The following BTBD9 variants were observed in gnomAD, a reference collection of about 807,000 sequenced individuals.
The protein encoded by BTBD9 is BTB/POZ domain-containing protein 9.
BTBD9 carries 49 observed loss-of-function variants against 64.3 expected under a neutral mutation model. The observed-to-expected ratio is 0.76, with a 90% confidence interval of 0.61 to 0.97. BTBD9 has a LOEUF of 0.97. Among genes scored for constraint, BTBD9 ranks in the 50% least tolerant of loss-of-function variants. The pLI, the probability that BTBD9 is intolerant of heterozygous loss-of-function variation, is 0.00. For missense variants in BTBD9, 598 were observed against 762.1 expected (o/e 0.78, Z 2.53); for synonymous variants, 260 against 274.7 (o/e 0.95, Z 0.53).
Position 38,174,730 on chromosome 6 carries a change from G to C in BTBD9, c.*255C>G. ...TAGATTAGAGAGGTAGGGTGTTAAT[G>C]GTGGACTTGATGAAGATTGAAGACC... On this transcript the variant is annotated 3_prime_UTR_variant, in exon 11 of 11. Coordinates refer to ENST00000481247, the MANE Select transcript of BTBD9 (RefSeq NM_001099272.2). The C allele has an allele frequency of 1.9e-6, 1 of 522,438 alleles. No individual in the cohort carries two copies. Among genetic ancestry groups the C allele is most frequent in the Non-Finnish European group, 3.4e-6 (1 of 295,268 alleles). 32.4% of individuals were successfully genotyped at this position (522,438 alleles called of 1,614,324 possible). A position where few individuals can be genotyped will look rare whatever the true frequency, so the allele number is the denominator to read the frequency against.
At chr6:38,540,557 G>A (rs549325903) in intron 6 of BTBD9, among the ~76,000 whole-genome samples, 13 of 152,214 alleles carry the variant, frequency 8.5e-5, no homozygotes, top group African/African-American at 3.1e-4. Context: ...GCACTTACAT[G>A]GTATAAAAGT....
At position 38,592,728 on chromosome 6, in the gene BTBD9, A is replaced by C. The variant is rs1026626353; in HGVS notation, c.662T>G (p.Ile221Ser). The C allele has an allele frequency of 6.2e-7, 1 of 1,614,150 alleles. No individual in the cohort carries two copies. The highest frequency in any genetic ancestry group is 1.6e-4 in the Middle Eastern group (1 of 6,062). ...KHNSKENHAE[I>S]MQAVRLPLMS... ...GAGAGGTAAACGCACAGCCTGCATG[A>C]TTTCAGCATGATTCTCCTTTGAATT... Residue 221 changes from isoleucine (I) to serine (S), a missense_variant, in exon 4 of 11, where the codon ATC (isoleucine) becomes AGC (serine). Physicochemically the swap from Ile to Ser is moderately radical, Grantham distance 142. Transcript: ENST00000481247.
chr6:38,194,899 G>A (rs1762224431), intron 9 of BTBD9, among the ~76,000 whole-genome samples: 1 of 151,528 alleles, frequency 6.6e-6, no homozygotes, highest in Admixed American at 6.6e-5. Flanking sequence ...AGTCTGAGCG[G>A]GAGGGAACTT....
chr6:38,492,575 T>TA (rs1771750275), intron 6 of BTBD9, among the ~76,000 whole-genome samples: 1 of 152,228 alleles, frequency 6.6e-6, no homozygotes, highest in African/African-American at 2.4e-5. Flanking sequence ...CTCATCTCCT[T>TA]AAAGTGCTAC....
chr6:38,179,903 T>C (rs1472955580), intron 10 of BTBD9: 2 of 444,832 alleles, frequency 4.5e-6, no homozygotes, highest in South Asian at 1.6e-5. Flanking sequence ...GGAGCTGCTT[T>C]CCAGGCAAAG....
At position 38,212,865 on chromosome 6, in the gene BTBD9, G is replaced by A. The variant is rs9349058; in HGVS notation, c.1563-20268C>T. Among the ~76,000 whole-genome samples, 16 of 152,200 alleles carry A rather than the reference G, an allele frequency of 1.1e-4. No homozygotes were observed. The East Asian group carries it at 2.5e-3, about 24-fold the overall frequency. The stretch of plus-strand genomic sequence containing the variant: ...TACCACCCCCTTCTCCCCCAGCAGC[G>A]CATTCCCTCCCAGAAGCACCCTGGA... On this transcript the variant is annotated intron_variant, in intron 9 of 10. Coordinates refer to ENST00000481247, the MANE Select transcript of BTBD9 (RefSeq NM_001099272.2).
At chr6:38,523,065 C>A (rs1773338046) in intron 6 of BTBD9, among the ~76,000 whole-genome samples, 1 of 152,122 alleles carries the variant, frequency 6.6e-6, no homozygotes, top group Non-Finnish European at 1.5e-5. Flanking sequence ...TGCCTGTAAT[C>A]CCAGCTACTC....
At chr6:38,572,418 G>C (rs571018198) in intron 6 of BTBD9, among the ~76,000 whole-genome samples, 2 of 151,950 alleles carry the variant, frequency 1.3e-5, no homozygotes, top group African/African-American at 4.8e-5. Context: ...CATCACTTAC[G>C]GCCTCTAATG....
At chr6:38,248,870 TACTC>T (rs1053326908) in intron 9 of BTBD9, among the ~76,000 whole-genome samples, 1 of 152,212 alleles carries the variant, frequency 6.6e-6, no homozygotes, top group African/African-American at 2.4e-5. Context: ...CATGAAATAT[TACTC>T]ATTTATAAAT....
chr6:38,225,861 C>T (rs1763377334), intron 9 of BTBD9, among the ~76,000 whole-genome samples: 1 of 152,202 alleles, frequency 6.6e-6, no homozygotes, highest in South Asian at 2.1e-4. Context: ...TTACCACTTA[C>T]AGATTACTTT....
chr6:38,200,421 G>A (rs1210037316), intron 9 of BTBD9, among the ~76,000 whole-genome samples: 2 of 152,132 alleles, frequency 1.3e-5, no homozygotes, highest in Non-Finnish European at 2.9e-5. Flanking sequence ...ATAAAGATTA[G>A]AGCAGAATTA....
chr6:38,434,073 G>A (rs746807471), intron 6 of BTBD9, among the ~76,000 whole-genome samples: 1 of 151,890 alleles, frequency 6.6e-6, no homozygotes, highest in Non-Finnish European at 1.5e-5. Context: ...TCTGACTCTG[G>A]TATAGCATTA....
intron 6 of BTBD9, among the ~76,000 whole-genome samples, chr6:38,566,334 A>G (rs1775515757): frequency 6.6e-6 from 1 of 152,244 alleles, no homozygotes; most frequent in African/African-American, 2.4e-5. Context: ...ATATGAATCT[A>G]TACTTTAAAA....
At chr6:38,289,685 T>A (rs1761882694) in intron 7 of BTBD9, among the ~76,000 whole-genome samples, 1 of 152,326 alleles carries the variant, frequency 6.6e-6, no homozygotes, top group East Asian at 1.9e-4. Context: ...TTGCAACATA[T>A]ATGCTCTTCC....
intron 6 of BTBD9, among the ~76,000 whole-genome samples, chr6:38,540,392 T>A (rs1388139994): frequency 6.6e-6 from 1 of 152,250 alleles, no homozygotes; most frequent in Non-Finnish European, 1.5e-5. Flanking sequence ...TGAGCCATAT[T>A]TTTGATAAAT....
chr6:38,373,198 G>A (rs1379122398), intron 6 of BTBD9, among the ~76,000 whole-genome samples: 1 of 152,092 alleles, frequency 6.6e-6, no homozygotes, highest in African/African-American at 2.4e-5. Flanking sequence ...AATAATCTAG[G>A]ATTCAAAATA....
intron 7 of BTBD9, among the ~76,000 whole-genome samples, chr6:38,298,248 T>A (rs965532075): frequency 6.6e-6 from 1 of 152,078 alleles, no homozygotes; most frequent in Non-Finnish European, 1.5e-5. Flanking sequence ...TACATTAAAT[T>A]TTTATCCTTT....
chr6:38,172,727 C>T lies in BTBD9; in HGVS notation c.*2258G>A, dbSNP rs737170. ...GATGATAAGGGGCATCTTTAAAGTG[C>T]TAGAAGACAGGAGGGACAGAGATCT... is the stretch of plus-strand genomic sequence containing the variant. On this transcript the variant is annotated 3_prime_UTR_variant, in exon 11 of 11. Coordinates refer to ENST00000481247, the MANE Select transcript of BTBD9 (RefSeq NM_001099272.2). 0.32 allele frequency: 48,608 copies of T among 152,398 alleles called. 8,755 individuals are homozygous for T. The highest frequency in any genetic ancestry group is 0.41 in the Non-Finnish European group (28,178 of 68,140). 9.4% of individuals were successfully genotyped at this position (152,398 alleles called of 1,614,324 possible). A position where few individuals can be genotyped will look rare whatever the true frequency, so the allele number is the denominator to read the frequency against.
intron 6 of BTBD9, among the ~76,000 whole-genome samples, chr6:38,438,686 C>A (rs1238625201): frequency 6.6e-6 from 1 of 152,122 alleles, no homozygotes; most frequent in Non-Finnish European, 1.5e-5. Flanking sequence ...TGAGCATTTA[C>A]TATGTACCAG....
Sources: gnomAD v4.1 joint callset for allele counts (sites outside exome capture counted in the v4.1 genomes callset) on GRCh38, gnomAD v4.1.1 for gene constraint, MANE v1.5 for transcripts, NCBI Gene and HGNC (gene_info 2026-07-23, HGNC 2026-07-21) for gene names.